Variants in ANKRD42 observed in about 807,000 individuals in gnomAD.
The protein encoded by ANKRD42 is ankyrin repeat domain 42.
In ANKRD42, 43 loss-of-function variants were observed where a neutral mutation model predicts 51.5. The observed-to-expected ratio is 0.83, with a 90% CI of 0.65 to 1.08. The LOEUF (loss-of-function observed/expected upper bound fraction) is 1.08. ANKRD42 is among the 50% of genes least tolerant of loss of function. The pLI is 0.00. For missense variants in ANKRD42, 608 were observed against 629.3 expected, an observed-to-expected ratio of 0.97 and a Z score of 0.36; for synonymous variants, 203 against 213.0, an observed-to-expected ratio of 0.95 and a Z score of 0.41.
Position 83,248,250 on chromosome 11 carries a change from A to G in ANKRD42, c.*46A>G. On this transcript the variant is annotated 3_prime_UTR_variant, in exon 11 of 11. Coordinates refer to ENST00000533342, the MANE Select transcript of ANKRD42 (RefSeq NM_001300975.2). ...TTTTTGTGCCTCAACTATAAACTGG[A>G]GATGATAACTTATACTTTCTAGAGC... is the stretch of plus-strand genomic sequence containing the variant. 1 of 1,448,014 alleles carries G rather than the reference A, an allele frequency of 6.9e-7. No individual in the cohort carries two copies. The highest frequency in any genetic ancestry group is 9.1e-7 in the Non-Finnish European group (1 of 1,104,750). The allele number at this position is 1,448,014 out of a possible 1,614,324, so 89.7% of individuals were successfully genotyped here. A position where few individuals can be genotyped will look rare whatever the true frequency, so the allele number is the denominator to read the frequency against.
At chr11:83,253,557 T>C (rs1356296247), downstream of ANKRD42, among the ~76,000 whole-genome samples, 1 of 152,242 alleles carries the variant, frequency 6.6e-6, no homozygotes, top group Non-Finnish European at 1.5e-5. Flanking sequence ...ACAAGGATTT[T>C]TGTCTAATTT....
At position 83,211,357 on chromosome 11, in the gene ANKRD42, G is replaced by A; in HGVS notation, c.513G>A (p.Arg171=). Residue 171 remains arginine (R), a synonymous_variant, in exon 5 of 11, where the codon CGG becomes CGA. Transcript: ENST00000533342. ...TGCATTATGCAGCTTTTCATGGGCG[G>A]CTTGGCTGCTTGCAACTTCTTGTTA... ...RPVHYAAFHG[R]LGCLQLLVKW... The A allele has an allele frequency of 1.2e-6, 2 of 1,614,180 alleles. No homozygotes were observed. Among genetic ancestry groups the A allele is most frequent in the Non-Finnish European group, 8.5e-7 (1 of 1,180,004 alleles).
At chr11:83,242,567 G>GTTTTTTTTTGTTTT (rs1863419543) in intron 9 of ANKRD42, among the ~76,000 whole-genome samples, 1 of 115,546 alleles carries the variant, frequency 8.7e-6, no homozygotes, top group African/African-American at 3.5e-5. Flanking sequence ...TGGTAGTTAA[G>GTTTTTTTTTGTTTT]TTTTTTTTTT....
intron 4 of ANKRD42, among the ~76,000 whole-genome samples, chr11:83,210,925 A>G (rs897910113): frequency 9.9e-5 from 15 of 152,238 alleles, no homozygotes; most frequent in Non-Finnish European, 1.8e-4. Context: ...TGGTGTTTCT[A>G]TAGTTTGAGA....
intron 1 of ANKRD42, among the ~76,000 whole-genome samples, chr11:83,195,461 C>T (rs534096993): frequency 6.6e-6 from 1 of 152,314 alleles, no homozygotes; most frequent in South Asian, 2.1e-4. Context: ...ACACGTAACA[C>T]TGAGACCTGA....
intron 7 of ANKRD42, among the ~76,000 whole-genome samples, chr11:83,235,311 A>ATGT (rs1272042145): frequency 4.3e-4 from 66 of 152,352 alleles, no homozygotes; most frequent in African/African-American, 1.5e-3. Flanking sequence ...GGGATTTGGT[A>ATGT]ATAATACCTG....
intron 2 of ANKRD42, among the ~76,000 whole-genome samples, chr11:83,199,624 C>T (rs523414): frequency 1.3e-5 from 2 of 151,978 alleles, no homozygotes; most frequent in Non-Finnish European, 2.9e-5. Flanking sequence ...CTGTCCAAGG[C>T]TAACTAGCAC....
At chr11:83,247,806 C>T in intron 10 of ANKRD42, 137 bp from the exon 11 acceptor site, 7 of 822,692 alleles carry the variant, frequency 8.5e-6, no homozygotes, top group Non-Finnish European at 1.3e-5. Context: ...CTTAGTAGAC[C>T]CTTAATACAT....
At chr11:83,203,101 C>T (rs1326157371) in intron 2 of ANKRD42, among the ~76,000 whole-genome samples, 2 of 151,466 alleles carry the variant, frequency 1.3e-5, no homozygotes, top group East Asian at 2.0e-4. Flanking sequence ...AAGCAGCTCT[C>T]CCACCTCAGC....
chr11:83,232,863 C>T (rs1029811794), intron 7 of ANKRD42, among the ~76,000 whole-genome samples: 1 of 152,120 alleles, frequency 6.6e-6, no homozygotes, highest in Non-Finnish European at 1.5e-5. Flanking sequence ...GTCCTTCATT[C>T]TATTGATATG....
intron 6 of ANKRD42, among the ~76,000 whole-genome samples, chr11:83,226,016 G>A (rs1253140061): frequency 2.6e-5 from 4 of 152,008 alleles, no homozygotes; most frequent in Non-Finnish European, 5.9e-5. Flanking sequence ...CAGCCTCCCC[G>A]CAAAGCACTG....
intron 1 of ANKRD42, among the ~76,000 whole-genome samples, chr11:83,196,884 C>T (rs1350072548): frequency 6.6e-6 from 1 of 152,108 alleles, no homozygotes; most frequent in Non-Finnish European, 1.5e-5. Context: ...TGTAGAGTAG[C>T]AGTGACCAAC....
intron 5 of ANKRD42, chr11:83,212,588 C>G (rs1253172382): frequency 1.5e-5 from 20 of 1,299,050 alleles, no homozygotes; most frequent in Middle Eastern, 1.8e-4. Flanking sequence ...CTTAAAGAAA[C>G]AAACACACAA....
At chr11:83,209,722 T>G in intron 3 of ANKRD42, 1 of 688,430 alleles carries the variant, frequency 1.5e-6, no homozygotes, top group Non-Finnish European at 2.7e-6. Flanking sequence ...TTTTGTTGCC[T>G]TCTTGTTTCT....
chr11:83,242,931 G>T (rs1863438046), intron 9 of ANKRD42, among the ~76,000 whole-genome samples: 1 of 152,112 alleles, frequency 6.6e-6, no homozygotes, highest in Non-Finnish European at 1.5e-5. Context: ...TTTGCTGTGT[G>T]AATAGTGCTG....
chr11:83,194,806 C>T (rs1285921695), intron 1 of ANKRD42, 78 bp downstream of exon 1: 1 of 1,424,148 alleles, frequency 7.0e-7, no homozygotes, highest in Non-Finnish European at 9.5e-7. Flanking sequence ...TTAGCCCTTT[C>T]TGGCATTTCC....
At chr11:83,234,428 A>G (rs1270758082) in intron 7 of ANKRD42, among the ~76,000 whole-genome samples, 3 of 152,174 alleles carry the variant, frequency 2.0e-5, no homozygotes, top group Non-Finnish European at 2.9e-5. Flanking sequence ...AATCTTAATT[A>G]TTTCAAGTCA....
intron 7 of ANKRD42, among the ~76,000 whole-genome samples, chr11:83,235,142 A>C (rs2135543441): frequency 6.6e-6 from 1 of 152,348 alleles, no homozygotes; most frequent in East Asian, 1.9e-4. Flanking sequence ...GAGTTACACA[A>C]TTATACCATA....
At chr11:83,204,927 C>T (rs891502603) in intron 2 of ANKRD42, among the ~76,000 whole-genome samples, 4 of 152,044 alleles carry the variant, frequency 2.6e-5, no homozygotes, top group African/African-American at 9.7e-5. Context: ...CATCATTAGC[C>T]ATTAGGCAAA....
Sources: allele counts gnomAD v4.1 joint callset (sites outside exome capture counted in the v4.1 genomes callset), GRCh38; gene constraint gnomAD v4.1.1; transcripts MANE v1.5; gene names NCBI Gene and HGNC (gene_info 2026-07-23, HGNC 2026-07-21).